Variants in PCDHGB4 observed in about 807,000 individuals in gnomAD.
The protein encoded by PCDHGB4 is protocadherin gamma-B4.
A neutral mutation model predicts 60.5 loss-of-function variants in PCDHGB4; 38 were observed. The observed-to-expected ratio is 0.63, with a 90% confidence interval of 0.48 to 0.82. PCDHGB4 has a LOEUF of 0.82. Among genes scored for constraint, PCDHGB4 ranks in the 40% least tolerant of loss-of-function variants. PCDHGB4 has a pLI of 0.00. For synonymous variants in PCDHGB4, 456 were observed against 509.7 expected (o/e 0.89, Z 1.42); for missense variants, 1,109 against 1,209.6 (o/e 0.92, Z 1.23).
At position 141,438,623 on chromosome 5, in the gene PCDHGB4, TATATATATATATAC is replaced by T. The variant is rs537048311; in HGVS notation, c.2397+48344_2397+48357del. Among the ~76,000 whole-genome samples the T allele has an allele frequency of 0.015, 646 of 42,812 alleles. 25 individuals are homozygous for T. In the East Asian group the frequency reaches 0.19, roughly 12 times the overall value. The allele number at this position is 42,812 out of a possible 152,430, so 28.1% of individuals were successfully genotyped here. A position where few individuals can be genotyped will look rare whatever the true frequency, so the allele number is the denominator to read the frequency against. On this transcript the variant is annotated intron_variant, in intron 1 of 3. Transcript: ENST00000519479. ...ATATATATATATATATATATATATA[TATATATATATATAC>T]ACACACACACACACATATATGTATA...
At chr5:141,392,641 C>CGAA in intron 1 of PCDHGB4, 1 of 655,502 alleles carries the variant, frequency 1.5e-6, no homozygotes, top group Non-Finnish European at 2.5e-6. Flanking sequence ...TCACACCTCA[C>CGAA]GAAGACCCGC....
chr5:141,471,646 G>C (rs935284198), intron 1 of PCDHGB4: 1 of 152,108 alleles, frequency 6.6e-6, no homozygotes, highest in Non-Finnish European at 1.5e-5. Flanking sequence ...GTAATATACT[G>C]GATGTGGGGA....
chr5:141,485,539 G>C lies in PCDHGB4; in HGVS notation c.2398-9268G>C, dbSNP rs370323886. The C allele has an allele frequency of 9.9e-6, 16 of 1,613,986 alleles. No homozygotes were observed. In the African/African-American group the frequency reaches 2.0e-4, roughly 20 times the overall value. On this transcript the variant is annotated intron_variant, in intron 1 of 3. Transcript: ENST00000519479. This position sits in a 1 kb window ranked among gnomAD's most constrained non-coding sequence, Gnocchi z 5.7. ...TGGAAATGTACCGAGCAGAGGTAGA[G>C]ATCGTAGATGTGAATGATCACGCCC... is the stretch of plus-strand genomic sequence containing the variant.
intron 3 of PCDHGB4, among the ~76,000 whole-genome samples, chr5:141,508,624 G>A (rs552418899): frequency 3.3e-5 from 5 of 152,256 alleles, no homozygotes; most frequent in African/African-American, 9.6e-5. Context: ...TGGGTGGGCC[G>A]AGCTTCTAGC....
chr5:141,508,479 T>G (rs1361434920), intron 3 of PCDHGB4, among the ~76,000 whole-genome samples: 1 of 152,152 alleles, frequency 6.6e-6, no homozygotes, highest in Non-Finnish European at 1.5e-5. Flanking sequence ...TCTTTTACAT[T>G]CTGGATTTCC....
chr5:141,413,649 C>G, intron 1 of PCDHGB4: 1 of 1,613,836 alleles, frequency 6.2e-7, no homozygotes, highest in South Asian at 1.1e-5. Flanking sequence ...GTTTTCCTCT[C>G]CCGGAAGCTA....
At position 141,491,318 on chromosome 5, in the gene PCDHGB4, A is replaced by C; in HGVS notation, c.2398-3489A>C. The C allele has an allele frequency of 6.2e-7, 1 of 1,613,862 alleles. No individual in the cohort carries two copies. The highest frequency in any genetic ancestry group is 8.5e-7 in the Non-Finnish European group (1 of 1,179,916). On this transcript the variant is annotated intron_variant, in intron 1 of 3. Transcript: ENST00000519479. The surrounding 1 kb of genome is among the most constrained non-coding windows in gnomAD (Gnocchi z 6.9). ...CCTGAGCGTTCAGACCTTACCCTTT[A>C]CCTCATTGTGGCTCTAGCGACCGTC...
At chr5:141,423,022 T>C in intron 1 of PCDHGB4, 1 of 1,614,194 alleles carries the variant, frequency 6.2e-7, no homozygotes, top group Non-Finnish European at 8.5e-7. Flanking sequence ...GGACAAAGAT[T>C]CAGGCCAGAA....
At chr5:141,412,932 T>C (rs2095590399) in intron 1 of PCDHGB4, 3 of 453,328 alleles carry the variant, frequency 6.6e-6, no homozygotes, top group South Asian at 1.0e-4. Flanking sequence ...AGTAACTTCT[T>C]AGGACTCTGA....
At chr5:141,459,846 A>G (rs945742948) in intron 1 of PCDHGB4, among the ~76,000 whole-genome samples, 1 of 152,170 alleles carries the variant, frequency 6.6e-6, no homozygotes, top group Admixed American at 6.5e-5. Context: ...CTATTTGTAT[A>G]TCTTCTTGAA....
Position 141,476,373 on chromosome 5 carries a change from T to C in PCDHGB4, c.2398-18434T>C. 1 of 1,614,054 alleles carries C rather than the reference T, an allele frequency of 6.2e-7. No individual in the cohort carries two copies. Among genetic ancestry groups the C allele is most frequent in the Non-Finnish European group, 8.5e-7 (1 of 1,180,020 alleles). On this transcript the variant is annotated intron_variant, in intron 1 of 3. Transcript: ENST00000519479. This position sits in a 1 kb window ranked among gnomAD's most constrained non-coding sequence, Gnocchi z 7.6. ...GAGGTGAACCGGGAGACCGGAGAGA[T>C]GTTTGTGAACGACCGTCTGGATCGA...
chr5:141,465,043 T>C (rs1404714692), intron 1 of PCDHGB4, among the ~76,000 whole-genome samples: 2 of 152,030 alleles, frequency 1.3e-5, no homozygotes, highest in Non-Finnish European at 2.9e-5. Context: ...CAAATGACCC[T>C]ATATATTTTT....
intron 2 of PCDHGB4, among the ~76,000 whole-genome samples, chr5:141,501,236 G>T (rs571684337): frequency 5.5e-4 from 83 of 150,782 alleles, no homozygotes; most frequent in African/African-American, 2.0e-3. Context: ...TCAGTTTTTT[G>T]AGCATGATGT....
intron 1 of PCDHGB4, among the ~76,000 whole-genome samples, chr5:141,433,378 T>C (rs1246585250): frequency 6.6e-5 from 10 of 151,072 alleles, no homozygotes. Context: ...TATCTATCTA[T>C]CTATCTATCT....
At chr5:141,497,691 C>T (rs2099778682) in intron 2 of PCDHGB4, among the ~76,000 whole-genome samples, 1 of 152,066 alleles carries the variant, frequency 6.6e-6, no homozygotes, top group African/African-American at 2.4e-5. Flanking sequence ...AGGTGTGCAC[C>T]ACCACACCCA....
chr5:141,486,211 T>C lies in PCDHGB4; in HGVS notation c.2398-8596T>C, dbSNP rs779905477. On this transcript the variant is annotated intron_variant, in intron 1 of 3. Coordinates refer to ENST00000519479, the MANE Select transcript of PCDHGB4 (RefSeq NM_003736.4). The surrounding 1 kb of genome is among the most constrained non-coding windows in gnomAD (Gnocchi z 5.0). ...TGGATCTGCTGGACGTAAATGACAA[T>C]GCCCCTTACATCACAGTGACCTCAG... 6.2e-7 allele frequency: 1 copy of C among 1,614,142 alleles called. No homozygotes were observed. Among genetic ancestry groups the C allele is most frequent in the Non-Finnish European group, 8.5e-7 (1 of 1,180,024 alleles).
Position 141,490,446 on chromosome 5 carries a change from C to T in PCDHGB4, c.2398-4361C>T, listed in dbSNP as rs779502898. 2.5e-6 allele frequency: 4 copies of T among 1,614,196 alleles called. No homozygotes were observed. The highest frequency in any genetic ancestry group is 3.4e-6 in the Non-Finnish European group (4 of 1,180,016). ...CATTTCAGATTAAGCCTTCTGAGAA[C>T]CACTACTCGCTGCTAACCAGCCAGC... On this transcript the variant is annotated intron_variant, in intron 1 of 3. Coordinates refer to ENST00000519479, the MANE Select transcript of PCDHGB4 (RefSeq NM_003736.4). The surrounding 1 kb of genome is among the most constrained non-coding windows in gnomAD (Gnocchi z 5.4).
chr5:141,408,158 T>G lies in PCDHGB4; in HGVS notation c.2397+17877T>G, dbSNP rs1190245850. On this transcript the variant is annotated intron_variant, in intron 1 of 3. Coordinates refer to ENST00000519479, the MANE Select transcript of PCDHGB4 (RefSeq NM_003736.4). ...TCTTTTAGCGCGGTAGAGTGCACTTTCTCCAACTGGAAAAGCGGGGACCCA... is the reference window on the plus strand; with the variant it reads ...TCTTTTAGCGCGGTAGAGTGCACTTGCTCCAACTGGAAAAGCGGGGACCCA... The G allele has an allele frequency of 2.0e-6, 3 of 1,515,140 alleles. No individual in the cohort carries two copies. In the Admixed American group the frequency reaches 6.4e-5, roughly 32 times the overall value. The allele number at this position is 1,515,140 out of a possible 1,614,324, so 93.9% of individuals were successfully genotyped here.
At position 141,485,122 on chromosome 5, in the gene PCDHGB4, G is replaced by C. The variant is rs1000179570; in HGVS notation, c.2398-9685G>C. The stretch of plus-strand genomic sequence containing the variant: ...CAGCTGCTGTGGCTGTTTGGGGCGG[G>C]TCGGCTTCATCCGCGTCTCAGGAGC... On this transcript the variant is annotated intron_variant, in intron 1 of 3. Transcript: ENST00000519479. This position sits in a 1 kb window ranked among gnomAD's most constrained non-coding sequence, Gnocchi z 5.7. The C allele has an allele frequency of 4.3e-6, 6 of 1,387,506 alleles. No individual in the cohort carries two copies. In the African/African-American group the frequency reaches 8.5e-5, roughly 20 times the overall value. The allele number at this position is 1,387,506 out of a possible 1,614,324, so 85.9% of individuals were successfully genotyped here. A position where few individuals can be genotyped will look rare whatever the true frequency, so the allele number is the denominator to read the frequency against.
Sources: gnomAD v4.1 joint callset for allele counts (sites outside exome capture counted in the v4.1 genomes callset) on GRCh38, gnomAD v4.1.1 for gene constraint, Gnocchi (gnomAD v3.1) non-coding constraint, MANE v1.5 for transcripts, NCBI Gene and HGNC (gene_info 2026-07-23, HGNC 2026-07-21) for gene names.